The following CAMTA1 variants were observed in gnomAD, a reference collection of about 807,000 sequenced individuals.
The protein encoded by CAMTA1 is calmodulin-binding transcription activator 1.
A neutral mutation model predicts 170.9 loss-of-function variants in CAMTA1; 27 were observed. The observed-to-expected ratio is 0.16, with a 90% CI of 0.12 to 0.22. The LOEUF is 0.22. Among genes scored for constraint, CAMTA1 ranks in the 10% least tolerant of loss-of-function variants. The probability of loss-of-function intolerance (pLI) is 1.00; values close to 1 mark genes in which losing one functional copy is unlikely to be tolerated. For missense variants in CAMTA1, 1,619 were observed against 2,217.2 expected (o/e 0.73, Z 5.42); for synonymous variants, 833 against 891.5 (o/e 0.93, Z 1.17).
intron 22 of CAMTA1, among the ~76,000 whole-genome samples, chr1:7,755,869 T>A (rs573416076): frequency 6.6e-6 from 1 of 152,186 alleles, no homozygotes; most frequent in Non-Finnish European, 1.5e-5. Flanking sequence ...ATACATTAGA[T>A]GTACAAATGC....
chr1:7,554,583 G>A (rs2094850803), intron 6 of CAMTA1, among the ~76,000 whole-genome samples: 3 of 152,148 alleles, frequency 2.0e-5, no homozygotes, highest in Admixed American at 2.0e-4. Context: ...TGCTATCCCT[G>A]CTCTTGCCCC....
intron 4 of CAMTA1, among the ~76,000 whole-genome samples, chr1:7,244,446 G>A (rs1468963093): frequency 6.6e-6 from 1 of 152,206 alleles, no homozygotes; most frequent in East Asian, 1.9e-4. Flanking sequence ...GCACATGTAT[G>A]TTTATTGCGG....
At chr1:7,468,032 G>T in intron 6 of CAMTA1, 131 bp downstream of exon 6, 1 of 740,862 alleles carries the variant, frequency 1.3e-6, no homozygotes, top group Non-Finnish European at 2.3e-6. Context: ...TGCCTAGGGA[G>T]ACTTCGGCTG....
intron 6 of CAMTA1, among the ~76,000 whole-genome samples, chr1:7,589,278 T>A (rs2095336486): frequency 6.6e-6 from 1 of 152,196 alleles, no homozygotes; most frequent in Admixed American, 6.5e-5. Flanking sequence ...GGTGCCCAAG[T>A]AGGGGTGGGT....
intron 1 of CAMTA1, among the ~76,000 whole-genome samples, chr1:6,786,296 C>T (rs1489301376): frequency 6.6e-6 from 1 of 152,094 alleles, no homozygotes; most frequent in African/African-American, 2.4e-5. Flanking sequence ...CATCCCCGCC[C>T]CTCGCAGTCG....
intron 3 of CAMTA1, among the ~76,000 whole-genome samples, chr1:6,889,924 GA>G (rs1674151151): frequency 6.6e-6 from 1 of 152,170 alleles, no homozygotes; most frequent in Non-Finnish European, 1.5e-5. Flanking sequence ...GAATTAAATT[GA>G]AAATTTTGAC....
chr1:7,232,569 T>G (rs1663038791), intron 4 of CAMTA1, among the ~76,000 whole-genome samples: 2 of 152,206 alleles, frequency 1.3e-5, no homozygotes, highest in African/African-American at 2.4e-5. Context: ...ATAAGCTCCC[T>G]GAGGACCAGG....
intron 5 of CAMTA1, among the ~76,000 whole-genome samples, chr1:7,268,621 A>G (rs1056600592): frequency 7.9e-5 from 12 of 152,180 alleles, no homozygotes; most frequent in African/African-American, 2.9e-4. Context: ...GACCTACCCT[A>G]ACAAAGCGTA....
At position 6,820,214 on chromosome 1, in the gene CAMTA1, A is replaced by G. The variant is rs755882984; in HGVS notation, c.79A>G (p.Thr27Ala). Residue 27 changes from threonine to alanine, a missense_variant, in exon 2 of 23, where the codon ACC (threonine) becomes GCC (alanine). This residue lies in a region of CAMTA1 where 61 missense variants were observed against 57.7 expected (regional missense o/e 1.06). Transcript: ENST00000303635. ...VSQSVFCGTS[T>A]YCVLNTVPPI... ...CCAAAGTGTATTCTGCGGAACTAGC[A>G]CCTACTGTGTTCTCAACACCGTGCC... 1 of 1,612,444 alleles carries G rather than the reference A, an allele frequency of 6.2e-7. No homozygotes were observed. The highest frequency in any genetic ancestry group is 1.3e-5 in the African/African-American group (1 of 74,858).
At chr1:6,916,746 G>T (rs1571685577) in intron 3 of CAMTA1, among the ~76,000 whole-genome samples, 1 of 152,208 alleles carries the variant, frequency 6.6e-6, no homozygotes, top group South Asian at 2.1e-4. Flanking sequence ...GGATGGGGAA[G>T]TAGCCTCACA....
intron 10 of CAMTA1, among the ~76,000 whole-genome samples, chr1:7,675,309 C>G (rs1010639063): frequency 8.5e-5 from 13 of 152,192 alleles, no homozygotes; most frequent in Non-Finnish European, 1.8e-4. Context: ...ATAGCAGGAA[C>G]TAAAATAAAT....
chr1:6,814,107 A>G (rs1645506241), intron 1 of CAMTA1, among the ~76,000 whole-genome samples: 2 of 152,150 alleles, frequency 1.3e-5, no homozygotes, highest in South Asian at 4.1e-4. Flanking sequence ...ATAAAATCTC[A>G]TTTTGAGTAT....
At chr1:7,555,790 C>A (rs988982832) in intron 6 of CAMTA1, among the ~76,000 whole-genome samples, 1 of 152,128 alleles carries the variant, frequency 6.6e-6, no homozygotes, top group African/African-American at 2.4e-5. Context: ...TCACATTCCA[C>A]CCCCAGGTCA....
chr1:6,807,615 G>T (rs1644669432), intron 1 of CAMTA1, among the ~76,000 whole-genome samples: 1 of 151,936 alleles, frequency 6.6e-6, no homozygotes, highest in Non-Finnish European at 1.5e-5. Flanking sequence ...AGCTACTTGG[G>T]AGGCTGAGGC....
chr1:7,604,580 T>C (rs970220576), intron 6 of CAMTA1, among the ~76,000 whole-genome samples: 7 of 152,186 alleles, frequency 4.6e-5, no homozygotes, highest in Non-Finnish European at 7.3e-5. Context: ...TAGCCATTCA[T>C]CTAATTTTTT....
chr1:7,330,774 T>C (rs1409323439), intron 5 of CAMTA1, among the ~76,000 whole-genome samples: 2 of 152,232 alleles, frequency 1.3e-5, no homozygotes, highest in African/African-American at 4.8e-5. Flanking sequence ...TCTGTGTTGA[T>C]TCTCTCTTTG....
chr1:7,709,246 A>G (rs1342293757), intron 11 of CAMTA1, among the ~76,000 whole-genome samples: 2 of 152,180 alleles, frequency 1.3e-5, no homozygotes, highest in Non-Finnish European at 2.9e-5. Context: ...ATCTTCTACT[A>G]TGCCTAGCAT....
At chr1:7,270,698 T>C (rs1034574778) in intron 5 of CAMTA1, among the ~76,000 whole-genome samples, 6 of 152,222 alleles carry the variant, frequency 3.9e-5, no homozygotes, top group African/African-American at 1.4e-4. Context: ...ATGGTAAATA[T>C]GGCTGGACAC....
intron 6 of CAMTA1, among the ~76,000 whole-genome samples, chr1:7,515,798 G>C (rs1488757900): frequency 6.6e-6 from 1 of 152,162 alleles, no homozygotes; most frequent in Non-Finnish European, 1.5e-5. Flanking sequence ...AAGACTCCAC[G>C]ACTCTTTTCC....
Sources: allele counts gnomAD v4.1 joint callset (sites outside exome capture counted in the v4.1 genomes callset), GRCh38; gene constraint gnomAD v4.1.1; regional missense constraint gnomAD v4.1.1; transcripts MANE v1.5; gene names NCBI Gene and HGNC (gene_info 2026-07-23, HGNC 2026-07-21).